Variants in FHIP1A observed in about 807,000 individuals in gnomAD.
FHIP1A encodes FHF complex subunit HOOK-interacting protein 1A.
In FHIP1A, 61 loss-of-function variants were observed where a neutral mutation model predicts 88.6. The ratio of observed to expected loss-of-function variants is 0.69; its 90% CI spans 0.56 to 0.85. The LOEUF (loss-of-function observed/expected upper bound fraction) is 0.85. Ranked by LOEUF, FHIP1A falls within the 40% of genes least tolerant of loss-of-function variation. The pLI is 0.00. For missense variants in FHIP1A, 1,154 were observed against 1,273.5 expected (o/e 0.91, Z 1.43); for synonymous variants, 478 against 496.0 (o/e 0.96, Z 0.48).
chr4:151,539,916 A>G (rs1377843925), intron 3 of FHIP1A, among the ~76,000 whole-genome samples: 3 of 152,254 alleles, frequency 2.0e-5, no homozygotes, highest in Admixed American at 1.3e-4. Flanking sequence ...TTGGATGTGG[A>G]AGAGAGAACT....
At chr4:151,647,110 A>G (rs1736827745) in intron 10 of FHIP1A, among the ~76,000 whole-genome samples, 2 of 152,204 alleles carry the variant, frequency 1.3e-5, no homozygotes, top group Non-Finnish European at 2.9e-5. Flanking sequence ...AATTTCTAAA[A>G]TGAGCCACTT....
chr4:151,489,979 C>T (rs1730224284), intron 3 of FHIP1A, among the ~76,000 whole-genome samples: 1 of 152,176 alleles, frequency 6.6e-6, no homozygotes, highest in South Asian at 2.1e-4. Flanking sequence ...CTATGTAGGG[C>T]AAGGTTATAT....
intron 13 of FHIP1A, among the ~76,000 whole-genome samples, 200 bp from the exon 14 acceptor site, chr4:151,662,301 A>C (rs1233286852): frequency 6.6e-6 from 1 of 152,182 alleles, no homozygotes; most frequent in Admixed American, 6.5e-5. Context: ...CAGATGCTAT[A>C]TGGTGGAGGA....
chr4:151,662,566 C>G lies in FHIP1A; in HGVS notation c.2935C>G (p.Leu979Val). 1 of 1,551,496 alleles carries G rather than the reference C, an allele frequency of 6.4e-7. No individual in the cohort carries two copies. The highest frequency in any genetic ancestry group is 8.7e-7 in the Non-Finnish European group (1 of 1,146,914). Residue 979 changes from leucine (L) to valine (V), a missense_variant, in exon 14 of 14, where the codon CTT (leucine) becomes GTT (valine). Transcript: ENST00000435205. ...CCTTTTGGATGGACCTCCAAGAGTGCTTCAGCCCTTCCTGACCCACAGAAC... is the reference window on the plus strand; with the variant it reads ...CCTTTTGGATGGACCTCCAAGAGTGGTTCAGCCCTTCCTGACCCACAGAAC... Reference protein sequence around the residue: ...KNLLDGPPRVLQPFLTHRTKV... With the variant: ...KNLLDGPPRVVQPFLTHRTKV...
At chr4:151,634,764 A>G (rs1736286291) in intron 8 of FHIP1A, among the ~76,000 whole-genome samples, 1 of 151,958 alleles carries the variant, frequency 6.6e-6, no homozygotes, top group Non-Finnish European at 1.5e-5. Context: ...AAAATGTATC[A>G]AAGACCTAAA....
chr4:151,622,366 C>G (rs958078420), intron 7 of FHIP1A, among the ~76,000 whole-genome samples: 1 of 152,098 alleles, frequency 6.6e-6, no homozygotes, highest in Non-Finnish European at 1.5e-5. Flanking sequence ...GATTATGAGC[C>G]TCGACTAAGC....
intron 1 of FHIP1A, among the ~76,000 whole-genome samples, chr4:151,416,603 T>G (rs1732900231): frequency 6.6e-6 from 1 of 152,178 alleles, no homozygotes; most frequent in Non-Finnish European, 1.5e-5. Context: ...TAGAAAACTT[T>G]GTACATCCTC....
chr4:151,461,194 G>A (rs2126599728), intron 2 of FHIP1A, among the ~76,000 whole-genome samples: 1 of 152,276 alleles, frequency 6.6e-6, no homozygotes, highest in Admixed American at 6.5e-5. Flanking sequence ...CAGAACCTAT[G>A]TTCTGCCATA....
rs765192450 is a variant in FHIP1A, at chr4:151,665,778, A to T, written c.*3024A>T. On this transcript the variant is annotated 3_prime_UTR_variant, in exon 14 of 14. Transcript: ENST00000435205. ...AGTAAATCGGCAAGCCCTTAGAAATATCTTTTTTTATAATGAGTTGGGGGG... is the reference window on the plus strand; with the variant it reads ...AGTAAATCGGCAAGCCCTTAGAAATTTCTTTTTTTATAATGAGTTGGGGGG... Among the ~76,000 whole-genome samples the T allele has an allele frequency of 1.3e-5, 2 of 152,334 alleles. No individual in the cohort carries two copies. Among genetic ancestry groups the T allele is most frequent in the Non-Finnish European group, 2.9e-5 (2 of 68,028 alleles).
At chr4:151,434,614 A>C (rs561807242) in intron 1 of FHIP1A, among the ~76,000 whole-genome samples, 139 of 152,016 alleles carry the variant, frequency 9.1e-4, no homozygotes, top group African/African-American at 3.3e-3. Flanking sequence ...TAAGAATTGG[A>C]TTTTTTTTCC....
At chr4:151,542,490 C>A (rs1732332732) in intron 3 of FHIP1A, among the ~76,000 whole-genome samples, 1 of 152,290 alleles carries the variant, frequency 6.6e-6, no homozygotes, top group East Asian at 1.9e-4. Context: ...CACTGTACTA[C>A]CTGCTTTACC....
chr4:151,642,499 C>T (rs1269136732), intron 9 of FHIP1A, among the ~76,000 whole-genome samples: 1 of 152,114 alleles, frequency 6.6e-6, no homozygotes, highest in Non-Finnish European at 1.5e-5. Flanking sequence ...CCTGTAAAGC[C>T]TGCCAGCCTA....
At chr4:151,616,652 G>A (rs562056711) in intron 7 of FHIP1A, among the ~76,000 whole-genome samples, 455 of 151,640 alleles carry the variant, frequency 3.0e-3, no homozygotes, top group African/African-American at 0.01. Context: ...GGGTTTCACC[G>A]TGTTAGCCAG....
At chr4:151,497,638 G>GCA (rs934818637) in intron 3 of FHIP1A, among the ~76,000 whole-genome samples, 6 of 152,104 alleles carry the variant, frequency 3.9e-5, no homozygotes, top group Non-Finnish European at 7.4e-5. Flanking sequence ...GTGTGTGTGT[G>GCA]CACATGCACA....
chr4:151,514,896 T>A (rs1731170883), intron 3 of FHIP1A, among the ~76,000 whole-genome samples: 1 of 152,184 alleles, frequency 6.6e-6, no homozygotes, highest in Non-Finnish European at 1.5e-5. Context: ...CTGGTATCAT[T>A]CCTTCTGAAA....
intron 2 of FHIP1A, among the ~76,000 whole-genome samples, chr4:151,468,924 A>G (rs1339886024): frequency 6.6e-6 from 1 of 152,170 alleles, no homozygotes; most frequent in Non-Finnish European, 1.5e-5. Flanking sequence ...TGTCTTTATG[A>G]TTCACTAGGC....
At chr4:151,456,845 GT>G (rs1202301508) in intron 2 of FHIP1A, among the ~76,000 whole-genome samples, 3 of 151,270 alleles carry the variant, frequency 2.0e-5, no homozygotes, top group Non-Finnish European at 4.4e-5. Flanking sequence ...TGTTGTATTG[GT>G]TATTGTGACA....
At chr4:151,549,644 A>G (rs1028428725) in intron 3 of FHIP1A, among the ~76,000 whole-genome samples, 3 of 152,114 alleles carry the variant, frequency 2.0e-5, no homozygotes, top group African/African-American at 7.2e-5. Flanking sequence ...AAAATGGTCA[A>G]TCAGCCACCC....
intron 3 of FHIP1A, among the ~76,000 whole-genome samples, chr4:151,508,779 C>A (rs1730921222): frequency 6.6e-6 from 1 of 152,114 alleles, no homozygotes; most frequent in African/African-American, 2.4e-5. Context: ...CTGTCAGAGA[C>A]AGAGCGGAGC....
Sources: gnomAD v4.1 joint callset for allele counts (sites outside exome capture counted in the v4.1 genomes callset) on GRCh38, gnomAD v4.1.1 for gene constraint, MANE v1.5 for transcripts, NCBI Gene and HGNC (gene_info 2026-07-23, HGNC 2026-07-21) for gene names.